The following AMZ1 variants were observed in gnomAD, a reference collection of about 807,000 sequenced individuals.
AMZ1 encodes archaelysin family metallopeptidase 1.
A neutral mutation model predicts 29.9 loss-of-function variants in AMZ1; 39 were observed. That is an observed-to-expected ratio of 1.30 (90% CI 1.01 to 1.70). The LOEUF (loss-of-function observed/expected upper bound fraction) is 1.70. AMZ1 is among the 40% of genes most tolerant of loss of function. AMZ1 has a pLI of 0.00. For synonymous variants in AMZ1, 458 were observed against 304.0 expected (o/e 1.51, Z -5.27); for missense variants, 1,041 against 680.6 (o/e 1.53, Z -5.89).
At chr7:2,759,194 A>T (rs1485295639) in intron 4 of AMZ1, among the ~76,000 whole-genome samples, 1 of 151,344 alleles carries the variant, frequency 6.6e-6, no homozygotes, top group Non-Finnish European at 1.5e-5. Flanking sequence ...TAAATAAAAT[A>T]AAAATAAAAA....
At chr7:2,754,150 A>G (rs780308236) in intron 4 of AMZ1, among the ~76,000 whole-genome samples, 3 of 151,928 alleles carry the variant, frequency 2.0e-5, no homozygotes, top group Non-Finnish European at 4.4e-5. Context: ...ACTATTTTCT[A>G]TTGTATCTGT....
chr7:2,749,677 A>G (rs1472297727), intron 4 of AMZ1, among the ~76,000 whole-genome samples: 1 of 152,202 alleles, frequency 6.6e-6, no homozygotes, highest in Non-Finnish European at 1.5e-5. Flanking sequence ...TAAAATAAAA[A>G]AAAAGAAAAT....
At chr7:2,734,524 A>G (rs1777993745) in intron 4 of AMZ1, among the ~76,000 whole-genome samples, 1 of 152,222 alleles carries the variant, frequency 6.6e-6, no homozygotes, top group Admixed American at 6.5e-5. Context: ...AGAGAAGGCC[A>G]TCAGAATGGA....
At chr7:2,738,738 C>T (rs963263697) in intron 4 of AMZ1, among the ~76,000 whole-genome samples, 1 of 152,048 alleles carries the variant, frequency 6.6e-6, no homozygotes, top group Non-Finnish European at 1.5e-5. Flanking sequence ...AAAACCAACC[C>T]CTCAAAATTG....
rs1000684815 is a variant in AMZ1, at chr7:2,717,965, G to A, written c.*5087G>A. ...ATGAGGCAAATCCAAATAGTCACCGGAGTCGAGCAAACACGGCGGCCCCTG... is the reference window on the plus strand; with the variant it reads ...ATGAGGCAAATCCAAATAGTCACCGAAGTCGAGCAAACACGGCGGCCCCTG... On this transcript the variant is annotated 3_prime_UTR_variant, in exon 7 of 7. Transcript: ENST00000683327. Among the ~76,000 whole-genome samples, 1 of 152,202 alleles carries A rather than the reference G, an allele frequency of 6.6e-6. No homozygotes were observed. The highest frequency in any genetic ancestry group is 6.5e-5 in the Admixed American group (1 of 15,282).
chr7:2,695,571 G>A (rs1391742870), intron 1 of AMZ1, among the ~76,000 whole-genome samples: 2 of 17,036 alleles, frequency 1.2e-4, no homozygotes, highest in Non-Finnish European at 2.9e-4. Context: ...AAATTGACTG[G>A]GCGTGTTGGT....
intron 1 of AMZ1, among the ~76,000 whole-genome samples, chr7:2,681,067 C>T (rs1026509099): frequency 6.6e-6 from 1 of 152,240 alleles, no homozygotes; most frequent in African/African-American, 2.4e-5. Flanking sequence ...GATGCCCCCT[C>T]GTGGCCAATC....
At position 2,712,817 on chromosome 7, in the gene AMZ1, G is replaced by C. The variant is rs752832252; in HGVS notation, c.1436G>C (p.Ser479Thr). ...TTCTCCTCCCTGAGGAGGAAGCTGA[G>C]TGCCCGAAAACTCGCCAGAGCAGAG... ...DKFSSLRRKL[S>T]ARKLARAESA... The change falls in exon 7 of 7, where the codon AGT (serine) becomes ACT (threonine). Residue 479 changes from serine to threonine, a missense_variant. By Grantham distance (58) the Ser-to-Thr change is moderately conservative (BLOSUM62 1). Transcript: ENST00000683327. 4 of 1,538,536 alleles carry C rather than the reference G, an allele frequency of 2.6e-6. No individual in the cohort carries two copies. Among genetic ancestry groups the C allele is most frequent in the Non-Finnish European group, 3.5e-6 (4 of 1,141,056 alleles).
rs953687939 is a variant in AMZ1 at position 2,712,440 on chromosome 7, C to T, written c.1059C>T (p.Cys353=). The stretch of plus-strand genomic sequence containing the variant: ...CTGCCAGCGCCGACTCGGGCATGTG[C>T]TGTGAGAGTGACTCGGAGCCCGGCA... ...TPPASADSGM[C]CESDSEPGTS... The change falls in exon 7 of 7, where the codon TGC becomes TGT. Residue 353 remains cysteine (C), a synonymous_variant. Coordinates refer to ENST00000683327, the MANE Select transcript of AMZ1 (RefSeq NM_001384743.1). 9 of 1,611,728 alleles carry T rather than the reference C, an allele frequency of 5.6e-6. No homozygotes were observed. Among genetic ancestry groups the T allele is most frequent in the African/African-American group, 4.0e-5 (3 of 74,922 alleles).
chr7:2,764,782 C>G (rs1420259131), exon 1 of AMZ1: 1 of 152,252 alleles, frequency 6.6e-6, no homozygotes, highest in African/African-American at 2.4e-5. Flanking sequence ...CCCTCTCATT[C>G]TCCCAGCGTG....
chr7:2,759,176 T>G (rs1452222737), intron 4 of AMZ1, among the ~76,000 whole-genome samples: 2 of 147,232 alleles, frequency 1.4e-5, no homozygotes, highest in African/African-American at 5.2e-5. Flanking sequence ...AATAAATAAA[T>G]AAATAAATAA....
intron 1 of AMZ1, among the ~76,000 whole-genome samples, chr7:2,690,039 A>G (rs1052113767): frequency 4.6e-5 from 7 of 152,130 alleles, no homozygotes; most frequent in Middle Eastern, 3.2e-3. Flanking sequence ...ATGTGGCCAC[A>G]AGGCTTCTTG....
rs796888498 is a variant in AMZ1, at chr7:2,716,295, T to C, written c.*3417T>C. On this transcript the variant is annotated 3_prime_UTR_variant, in exon 7 of 7. Transcript: ENST00000683327. ...CGAAATCTCATTCTTTTCCCTCTCT[T>C]CCTCCCCAAAAAGCCCAAACTCATT... The C allele has an allele frequency of 3.3e-4, 50 of 152,108 alleles. No individual in the cohort carries two copies. Among genetic ancestry groups the C allele is most frequent in the African/African-American group, 8.7e-4 (36 of 41,468 alleles). 9.4% of individuals were successfully genotyped at this position (152,108 alleles called of 1,614,324 possible).
chr7:2,691,379 TCA>T (rs1787377041), intron 1 of AMZ1, among the ~76,000 whole-genome samples: 1 of 148,294 alleles, frequency 6.7e-6, no homozygotes, highest in South Asian at 2.1e-4. Flanking sequence ...TCTCTGAGCC[TCA>T]GTCTCCTGGG....
At chr7:2,728,495 A>G (rs1408174056) in intron 4 of AMZ1, 1 of 152,442 alleles carries the variant, frequency 6.6e-6, no homozygotes, top group Non-Finnish European at 1.5e-5. Context: ...AGAGTTAAAA[A>G]TAGATTTCAG....
At chr7:2,737,173 G>T (rs1325596453) in intron 4 of AMZ1, among the ~76,000 whole-genome samples, 1 of 151,410 alleles carries the variant, frequency 6.6e-6, no homozygotes, top group Non-Finnish European at 1.5e-5. Flanking sequence ...CCAGAGAGTG[G>T]TTACAAAGAA....
chr7:2,746,379 C>A (rs900234212), intron 4 of AMZ1, among the ~76,000 whole-genome samples: 1 of 152,176 alleles, frequency 6.6e-6, no homozygotes, highest in South Asian at 2.1e-4. Flanking sequence ...CAAAACCGCT[C>A]AACTACATGG....
chr7:2,740,772 C>T (rs558385172), intron 4 of AMZ1, among the ~76,000 whole-genome samples: 8 of 152,302 alleles, frequency 5.3e-5, no homozygotes, highest in African/African-American at 1.4e-4. Context: ...GGGCTCGCCG[C>T]GGTGACTCAT....
At chr7:2,736,006 G>T (rs1462398561) in intron 4 of AMZ1, among the ~76,000 whole-genome samples, 1 of 152,174 alleles carries the variant, frequency 6.6e-6, no homozygotes, top group East Asian at 1.9e-4. Context: ...AACAGAGACT[G>T]GACAATGCAC....
Sources: gnomAD v4.1 joint callset for allele counts (sites outside exome capture counted in the v4.1 genomes callset) on GRCh38, gnomAD v4.1.1 for gene constraint, MANE v1.5 for transcripts, NCBI Gene and HGNC (gene_info 2026-07-23, HGNC 2026-07-21) for gene names.